The following TBC1D22B variants were observed in gnomAD, a reference collection of about 807,000 sequenced individuals.
TBC1D22B encodes the protein TBC1 domain family member 22B.
TBC1D22B carries 32 observed loss-of-function variants against 69.1 expected under a neutral mutation model. The observed-to-expected ratio is 0.46, with a 90% CI of 0.35 to 0.62. The LOEUF (loss-of-function observed/expected upper bound fraction) is 0.62. Among genes scored for constraint, TBC1D22B ranks in the 20% least tolerant of loss-of-function variants. The pLI is 0.00. For synonymous variants in TBC1D22B, 206 were observed against 229.8 expected, an observed-to-expected ratio of 0.90 and a Z score of 0.94; for missense variants, 462 against 630.9, an observed-to-expected ratio of 0.73 and a Z score of 2.87.
At chr6:37,269,695 C>T (rs1766421172) in intron 2 of TBC1D22B, 45 bp downstream of exon 2, 1 of 1,553,374 alleles carries the variant, frequency 6.4e-7, no homozygotes, top group South Asian at 1.1e-5. Context: ...GCTGTCACCC[C>T]TATACCCTCC....
chr6:37,322,706 C>T (rs1768285460), intron 12 of TBC1D22B, among the ~76,000 whole-genome samples: 1 of 152,100 alleles, frequency 6.6e-6, no homozygotes, highest in African/African-American at 2.4e-5. Context: ...GAAGACTTCC[C>T]AAAGCAGATT....
In TBC1D22B at chr6:37,327,477, CAAAAAAAAAAAAAA is replaced by C. The variant is rs56160547; in HGVS notation, c.1390-3551_1390-3538del. On this transcript the variant is annotated intron_variant, in intron 12 of 12. Transcript: ENST00000373491. ...TGGGCGACAGAGCCAGACTCCGACT[CAAAAAAAAAAAAAA>C]AAAAAAAAAAAAAAATAAGTTGAGA... 1.2e-4 allele frequency among the ~76,000 whole-genome samples: 6 copies of C among 52,054 alleles called. 1 individual carries two copies. The highest frequency in any genetic ancestry group is 2.2e-4 in the African/African-American group (2 of 9,144). The allele number at this position is 52,054 out of a possible 152,430, so 34.1% of individuals were successfully genotyped here.
intron 3 of TBC1D22B, among the ~76,000 whole-genome samples, chr6:37,279,872 T>C (rs1407812489): frequency 6.6e-6 from 1 of 152,226 alleles, no homozygotes; most frequent in East Asian, 1.9e-4. Flanking sequence ...TCTTCTCTTC[T>C]TCCTTTCCCT....
At chr6:37,296,217 G>A (rs1191378843) in intron 8 of TBC1D22B, among the ~76,000 whole-genome samples, 3 of 152,114 alleles carry the variant, frequency 2.0e-5, no homozygotes, top group South Asian at 4.1e-4. Flanking sequence ...AGCTGAGATC[G>A]CACCACTGTA....
At position 37,286,998 on chromosome 6, in the gene TBC1D22B, C is replaced by G. The variant is rs1767027133; in HGVS notation, c.802-9C>G. Reference sequence around the variant, plus strand: ...ATTTGTGTTTTTGGACATGCCTTCTCTTTTTCAGATTCACATTGACATTCC... The same window carrying G: ...ATTTGTGTTTTTGGACATGCCTTCTGTTTTTCAGATTCACATTGACATTCC... On this transcript the variant is annotated splice_polypyrimidine_tract_variant and intron_variant, in intron 6 of 12. Transcript: ENST00000373491. 1 of 1,592,644 alleles carries G rather than the reference C, an allele frequency of 6.3e-7. No homozygotes were observed. Among genetic ancestry groups the G allele is most frequent in the African/African-American group, 1.4e-5 (1 of 73,122 alleles).
chr6:37,271,048 C>T (rs1231507341), intron 2 of TBC1D22B, among the ~76,000 whole-genome samples: 9 of 152,226 alleles, frequency 5.9e-5, no homozygotes, highest in Admixed American at 1.3e-4. Context: ...CGCAGTGGCT[C>T]ATGCCTGTAA....
chr6:37,270,240 T>A (rs1256787634), intron 2 of TBC1D22B, among the ~76,000 whole-genome samples: 1 of 152,038 alleles, frequency 6.6e-6, no homozygotes, highest in African/African-American at 2.4e-5. Context: ...TTACTTGAGG[T>A]CAGGAGTTCG....
At chr6:37,306,399 G>A (rs900707621) in intron 8 of TBC1D22B, among the ~76,000 whole-genome samples, 1 of 152,214 alleles carries the variant, frequency 6.6e-6, no homozygotes, top group Non-Finnish European at 1.5e-5. Context: ...GGGACCCTGA[G>A]CCTCCCAGAG....
intron 8 of TBC1D22B, among the ~76,000 whole-genome samples, chr6:37,296,518 T>C (rs1390415760): frequency 5.9e-5 from 9 of 152,174 alleles, no homozygotes; most frequent in South Asian, 2.1e-4. Flanking sequence ...TTGGCTAATT[T>C]TTTGTATTTT....
chr6:37,331,199 T>A lies in TBC1D22B; in HGVS notation c.*27T>A. On this transcript the variant is annotated 3_prime_UTR_variant, in exon 13 of 13. Transcript: ENST00000373491. ...TGCTGTCTCCTCCGGGGACCCAGACTGCCTTCATCTCTGATGGCAGTCTGA... is the reference window on the plus strand; with the variant it reads ...TGCTGTCTCCTCCGGGGACCCAGACAGCCTTCATCTCTGATGGCAGTCTGA... 1 of 1,612,782 alleles carries A rather than the reference T, an allele frequency of 6.2e-7. No homozygotes were observed. Among genetic ancestry groups the A allele is most frequent in the Non-Finnish European group, 8.5e-7 (1 of 1,179,062 alleles).
intron 12 of TBC1D22B, among the ~76,000 whole-genome samples, chr6:37,327,719 T>C (rs1768469789): frequency 6.6e-6 from 1 of 151,932 alleles, no homozygotes; most frequent in Non-Finnish European, 1.5e-5. Context: ...GAATAACTGG[T>C]CTGGTTGAGT....
At chr6:37,312,810 C>T (rs1213379236) in intron 8 of TBC1D22B, 108 bp from the exon 9 acceptor site, 47 of 846,078 alleles carry the variant, frequency 5.6e-5, no homozygotes, top group African/African-American at 1.5e-4. Flanking sequence ...ATCAGGTTAG[C>T]CTGGTCCTCA....
At chr6:37,325,676 T>C (rs144805806) in intron 12 of TBC1D22B, among the ~76,000 whole-genome samples, 4,091 of 151,108 alleles carry the variant, frequency 0.027, 189 homozygotes, top group African/African-American at 0.093. Flanking sequence ...CAGCCTCCCA[T>C]GTAGCTGGGA....
intron 2 of TBC1D22B, among the ~76,000 whole-genome samples, 154 bp from the exon 3 acceptor site, chr6:37,279,150 C>A (rs1023359472): frequency 2.6e-5 from 4 of 152,138 alleles, no homozygotes; most frequent in African/African-American, 9.7e-5. Context: ...CTGGATGTAT[C>A]TAGATGAAGA....
At chr6:37,267,490 A>AAT (rs78675421) in intron 1 of TBC1D22B, among the ~76,000 whole-genome samples, 639 of 9,602 alleles carry the variant, frequency 0.067, 18 homozygotes, top group Admixed American at 0.086. Flanking sequence ...CACTATATAT[A>AAT]ATATATATAC....
At position 37,331,200 on chromosome 6, in the gene TBC1D22B, G is replaced by A. The variant is rs369533933; in HGVS notation, c.*28G>A. The A allele has an allele frequency of 1.7e-5, 28 of 1,612,510 alleles. No homozygotes were observed. The East Asian group carries it at 4.2e-4, about 24-fold the overall frequency. On this transcript the variant is annotated 3_prime_UTR_variant, in exon 13 of 13. Coordinates refer to ENST00000373491, the MANE Select transcript of TBC1D22B (RefSeq NM_017772.4). Reference sequence around the variant, plus strand: ...GCTGTCTCCTCCGGGGACCCAGACTGCCTTCATCTCTGATGGCAGTCTGAT... The same window carrying A: ...GCTGTCTCCTCCGGGGACCCAGACTACCTTCATCTCTGATGGCAGTCTGAT...
intron 2 of TBC1D22B, among the ~76,000 whole-genome samples, chr6:37,276,033 T>A (rs1766661829): frequency 6.6e-6 from 1 of 151,164 alleles, no homozygotes; most frequent in South Asian, 2.1e-4. Context: ...GGCACAATTA[T>A]GGCTCACTGT....
At chr6:37,281,256 A>T (rs534413803) in intron 3 of TBC1D22B, among the ~76,000 whole-genome samples, 2 of 152,362 alleles carry the variant, frequency 1.3e-5, no homozygotes, top group African/African-American at 4.8e-5. Flanking sequence ...TAAAATAGTT[A>T]TACATTCCTA....
At chr6:37,303,864 AT>A (rs1767634843) in intron 8 of TBC1D22B, among the ~76,000 whole-genome samples, 1 of 151,934 alleles carries the variant, frequency 6.6e-6, no homozygotes, top group South Asian at 2.1e-4. Flanking sequence ...CACTCTGTAG[AT>A]TTCTCCTGTG....
Sources: gnomAD v4.1 joint callset for allele counts (sites outside exome capture counted in the v4.1 genomes callset) on GRCh38, gnomAD v4.1.1 for gene constraint, MANE v1.5 for transcripts, NCBI Gene and HGNC (gene_info 2026-07-23, HGNC 2026-07-21) for gene names.